The following HPS5 variants were observed in gnomAD, a reference collection of about 807,000 sequenced individuals.
HPS5 encodes the protein HPS5 biogenesis of lysosomal organelles complex 2 subunit 2.
Under a neutral mutation model 128.0 loss-of-function variants are expected in HPS5, and 83 were observed. The observed-to-expected ratio is 0.65, with a 90% CI of 0.54 to 0.78. The LOEUF (loss-of-function observed/expected upper bound fraction) is 0.78. Ranked by LOEUF, HPS5 falls within the 30% of genes least tolerant of loss-of-function variation. HPS5 has a pLI of 0.00. For missense variants in HPS5, 1,281 were observed against 1,326.2 expected (o/e 0.97, Z 0.53); for synonymous variants, 475 against 470.2 (o/e 1.01, Z -0.13).
At chr11:18,292,132 G>A (rs1335050860) in intron 15 of HPS5, 113 bp from the exon 16 acceptor site, 6 of 770,698 alleles carry the variant, frequency 7.8e-6, no homozygotes, top group Non-Finnish European at 1.1e-5. Context: ...TGGAATAAAC[G>A]TTACTTTTCA....
At chr11:18,293,018 A>T in intron 14 of HPS5, 42 bp from the exon 15 acceptor site, 1 of 1,441,076 alleles carries the variant, frequency 6.9e-7, no homozygotes, top group Non-Finnish European at 9.5e-7. Context: ...CACAAGAGTT[A>T]GAGGGGATCA....
chr11:18,291,141 C>T (rs539381651), intron 16 of HPS5, among the ~76,000 whole-genome samples: 35 of 152,260 alleles, frequency 2.3e-4, no homozygotes, highest in Non-Finnish European at 4.7e-4. Context: ...TCACTTGAAC[C>T]CAGGAGGCGG....
intron 7 of HPS5, 105 bp from the exon 8 acceptor site, chr11:18,305,598 G>A (rs1246587045): frequency 9.4e-6 from 7 of 743,904 alleles, no homozygotes; most frequent in South Asian, 7.8e-5. Context: ...ACAAATTCAA[G>A]AGCCTAACTG....
intron 6 of HPS5, 47 bp from the exon 7 acceptor site, chr11:18,306,394 G>T: frequency 7.1e-7 from 1 of 1,403,562 alleles, no homozygotes; most frequent in Non-Finnish European, 1.0e-6. Flanking sequence ...ACAAAAAAAA[G>T]TCAAAAACAA....
At chr11:18,286,880 T>G in intron 18 of HPS5, 170 bp from the exon 19 acceptor site, 1 of 588,218 alleles carries the variant, frequency 1.7e-6, no homozygotes, top group South Asian at 3.7e-5. Context: ...AGCTCCAAGA[T>G]AACAAAGAAA....
In HPS5 at chr11:18,292,989, G is replaced by A. The variant is rs73430857; in HGVS notation, c.1785-13C>T. 5,633 of 1,606,272 alleles carry A rather than the reference G, an allele frequency of 3.5e-3. 176 individuals carry two copies. In the African/African-American group the frequency reaches 0.067, roughly 19 times the overall value. ...CTCTTTTTCCTCCCTAAAAAAGTGT[G>A]CAAAATAACAATAACATTCACAAGA... On this transcript the variant is annotated splice_polypyrimidine_tract_variant and intron_variant, in intron 14 of 22. Coordinates refer to ENST00000349215, the MANE Select transcript of HPS5 (RefSeq NM_181507.2).
chr11:18,288,130 T>A (rs1026361116), intron 16 of HPS5, 117 bp from the exon 17 acceptor site: 14 of 1,052,778 alleles, frequency 1.3e-5, no homozygotes, highest in Admixed American at 7.7e-5. Context: ...ACCTATTATG[T>A]GCAAGGCCCA....
At chr11:18,290,815 A>T (rs989835851) in intron 16 of HPS5, among the ~76,000 whole-genome samples, 1 of 152,210 alleles carries the variant, frequency 6.6e-6, no homozygotes, top group African/African-American at 2.4e-5. Context: ...CCCACGACTC[A>T]GAAAACTGAG....
In HPS5 at chr11:18,282,029, C is replaced by A; in HGVS notation, c.3250G>T (p.Glu1084Ter). The change falls in exon 22 of 23, where the codon GAA (glutamate) becomes TAA (stop). Residue 1084 changes from glutamate (E) to a stop codon, truncating the protein, a stop_gained. Coordinates refer to ENST00000349215, the MANE Select transcript of HPS5 (RefSeq NM_181507.2). LOFTEE classifies it high-confidence loss of function. ...GACAACTCAAGGGCCAGACCACATT[C>A]CTGTAGCAGTGACCAAGCCCGATCT... ...GPDRAWSLLQ[E>*]CGLALELSEK... 1 of 1,614,216 alleles carries A rather than the reference C, an allele frequency of 6.2e-7. No homozygotes were observed. The highest frequency in any genetic ancestry group is 8.5e-7 in the Non-Finnish European group (1 of 1,180,030).
In HPS5 at chr11:18,292,038, T is replaced by C. The variant is rs769573790; in HGVS notation, c.1863-19A>G. The C allele has an allele frequency of 6.3e-7, 1 of 1,581,006 alleles. No homozygotes were observed. Among genetic ancestry groups the C allele is most frequent in the South Asian group, 1.1e-5 (1 of 90,376 alleles). The stretch of plus-strand genomic sequence containing the variant: ...CTTGGTCCTATACAAGACAGACAAG[T>C]ATGAAATTCATGTGTCATGTGTTTT... On this transcript the variant is annotated intron_variant, in intron 15 of 22. Transcript: ENST00000349215.
chr11:18,288,766 G>A (rs936139685), intron 16 of HPS5, among the ~76,000 whole-genome samples: 1 of 143,660 alleles, frequency 7.0e-6, no homozygotes, highest in South Asian at 2.3e-4. Context: ...GTGCAGCGAC[G>A]GGGTCTTCCT....
intron 2 of HPS5, among the ~76,000 whole-genome samples, chr11:18,317,205 A>T (rs1863734247): frequency 1.3e-5 from 2 of 151,796 alleles, no homozygotes; most frequent in South Asian, 4.2e-4. Flanking sequence ...AAAAAAAAAA[A>T]AGAGTGATAA....
Position 18,281,857 on chromosome 11 carries a change from C to T in HPS5, c.3329+93G>A, listed in dbSNP as rs2271997. ...CAGTCTCCTCATGTTAGTGATGGGTCGGGACTAAATGATCTCCACATCTAC... is the reference window on the plus strand; with the variant it reads ...CAGTCTCCTCATGTTAGTGATGGGTTGGGACTAAATGATCTCCACATCTAC... On this transcript the variant is annotated intron_variant, in intron 22 of 22. Coordinates refer to ENST00000349215, the MANE Select transcript of HPS5 (RefSeq NM_181507.2). 685,816 of 1,401,036 alleles carry T rather than the reference C, an allele frequency of 0.49. 173,665 individuals are homozygous for T. The highest frequency in any genetic ancestry group is 0.53 in the Non-Finnish European group (525,637 of 991,176). 86.8% of individuals were successfully genotyped at this position (1,401,036 alleles called of 1,614,324 possible). A position where few individuals can be genotyped will look rare whatever the true frequency, so the allele number is the denominator to read the frequency against.
At position 18,280,680 on chromosome 11, in the gene HPS5, T is replaced by C. The variant is rs1051894964; in HGVS notation, c.3330-738A>G. ...GAATGGATAAACAAAAGGTGGCATATATATACAACGGAATATTATTCAGCC... is the reference window on the plus strand; with the variant it reads ...GAATGGATAAACAAAAGGTGGCATACATATACAACGGAATATTATTCAGCC... On this transcript the variant is annotated intron_variant, in intron 22 of 22. Coordinates refer to ENST00000349215, the MANE Select transcript of HPS5 (RefSeq NM_181507.2). 4.6e-6 allele frequency: 3 copies of C among 648,758 alleles called. No homozygotes were observed. The African/African-American group carries it at 5.5e-5, about 12-fold the overall frequency. 40.2% of individuals were successfully genotyped at this position (648,758 alleles called of 1,614,324 possible).
rs370762150 is a variant in HPS5, at chr11:18,311,915, C to T, written c.218G>A (p.Arg73Lys). 2.5e-5 allele frequency: 40 copies of T among 1,600,850 alleles called. No homozygotes were observed. The highest frequency in any genetic ancestry group is 3.3e-5 in the Non-Finnish European group (39 of 1,167,978). The change falls in exon 3 of 23, where the codon AGG becomes AAG. Residue 73 changes from arginine to lysine, a missense_variant and splice_region_variant. Physicochemically the swap from Arg to Lys is conservative, Grantham distance 26. Transcript: ENST00000349215. Reference protein sequence around the residue: ...GWKHRLFLSHREGAISQVACC... With the variant: ...GWKHRLFLSHKEGAISQVACC... ...TGACAGAGCTGCCCTTAATCTTACC[C>T]TGTGTGAAAGAAAAAGCCTGTGCTT...
intron 4 of HPS5, 59 bp from the exon 5 acceptor site, chr11:18,310,992 T>C (rs1862915311): frequency 8.1e-7 from 1 of 1,229,784 alleles, no homozygotes. Flanking sequence ...ACAATTTTGT[T>C]GCATCACAGT....
chr11:18,312,738 C>G (rs1863155817), intron 2 of HPS5, among the ~76,000 whole-genome samples: 1 of 152,186 alleles, frequency 6.6e-6, no homozygotes, highest in African/African-American at 2.4e-5. Context: ...TTTGCCCCCA[C>G]TTTCTTGAGA....
rs748268266 is a variant in HPS5, at chr11:18,317,896, A to G, written c.-38T>C. On this transcript the variant is annotated 5_prime_UTR_variant, in exon 2 of 23. Coordinates refer to ENST00000349215, the MANE Select transcript of HPS5 (RefSeq NM_181507.2). ...CTGAAACTTGTTGAATGATAGATAC[A>G]GTATTCCTCACCTGAATAAAATCCA... The G allele has an allele frequency of 1.6e-4, 261 of 1,599,578 alleles. No individual in the cohort carries two copies. The highest frequency in any genetic ancestry group is 2.1e-4 in the Non-Finnish European group (250 of 1,170,644).
chr11:18,300,823 A>G lies in HPS5; in HGVS notation c.985+5T>C. The G allele has an allele frequency of 7.2e-7, 1 of 1,398,520 alleles. No individual in the cohort carries two copies. Among genetic ancestry groups the G allele is most frequent in the Non-Finnish European group, 1.0e-6 (1 of 984,730 alleles). The allele number at this position is 1,398,520 out of a possible 1,614,324, so 86.6% of individuals were successfully genotyped here. ...ATTAAAAATTACAAAGAAAAATATA[A>G]TTACCTTTGACTTCACTCCAAAGAA... On this transcript the variant is annotated splice_donor_5th_base_variant and intron_variant, in intron 9 of 22. Transcript: ENST00000349215.
Sources: gnomAD v4.1 joint callset for allele counts (sites outside exome capture counted in the v4.1 genomes callset) on GRCh38, gnomAD v4.1.1 for gene constraint, MANE v1.5 for transcripts, NCBI Gene and HGNC (gene_info 2026-07-23, HGNC 2026-07-21) for gene names.